Variants in EYA4 observed in about 807,000 individuals in gnomAD.
EYA4 encodes the protein protein phosphatase EYA4.
EYA4 carries 31 observed loss-of-function variants against 87.9 expected under a neutral mutation model. The ratio of observed to expected loss-of-function variants is 0.35; its 90% CI spans 0.27 to 0.48. The LOEUF is 0.48. Ranked by LOEUF, EYA4 falls within the 20% of genes least tolerant of loss-of-function variation. The pLI is 0.99. For missense variants in EYA4, 678 were observed against 761.4 expected (o/e 0.89, Z 1.29); for synonymous variants, 263 against 270.6 (o/e 0.97, Z 0.28).
chr6:133,263,163 GAC>G, intron 1 of EYA4, among the ~76,000 whole-genome samples: 1 of 152,282 alleles, frequency 6.6e-6, no homozygotes, highest in South Asian at 2.1e-4. Flanking sequence ...TGCCCATCTG[GAC>G]AGTTGATCAC....
intron 2 of EYA4, among the ~76,000 whole-genome samples, chr6:133,365,349 A>C (rs1784778861): frequency 6.6e-6 from 1 of 152,176 alleles, no homozygotes; most frequent in African/African-American, 2.4e-5. Flanking sequence ...AGTTTTAGCC[A>C]CTTCCTGCCG....
chr6:133,322,849 G>A (rs1781199156), intron 2 of EYA4, among the ~76,000 whole-genome samples: 1 of 152,140 alleles, frequency 6.6e-6, no homozygotes, highest in African/African-American at 2.4e-5. Context: ...AAAGGTTCAT[G>A]TTATGCAAAC....
intron 13 of EYA4, among the ~76,000 whole-genome samples, chr6:133,499,674 TAATTGGCTA>T (rs780524120): frequency 1.3e-5 from 2 of 152,138 alleles, no homozygotes; most frequent in Non-Finnish European, 2.9e-5. Context: ...CCCCAGCAGG[TAATTGGCTA>T]CATTACTAAG....
At chr6:133,497,865 G>A (rs1248194037) in intron 13 of EYA4, among the ~76,000 whole-genome samples, 2 of 152,162 alleles carry the variant, frequency 1.3e-5, no homozygotes, top group African/African-American at 4.8e-5. Flanking sequence ...GGGGGAAAAA[G>A]TGAAGGAACT....
At chr6:133,356,140 G>A (rs148601419) in intron 2 of EYA4, among the ~76,000 whole-genome samples, 8 of 152,150 alleles carry the variant, frequency 5.3e-5, no homozygotes, top group East Asian at 1.9e-4. Context: ...TAATCCCATC[G>A]TGATGACCCT....
intron 2 of EYA4, among the ~76,000 whole-genome samples, chr6:133,357,007 C>T (rs1010287701): frequency 3.3e-5 from 5 of 151,842 alleles, no homozygotes; most frequent in Admixed American, 3.3e-4. Context: ...CGCGGTGGCT[C>T]ACGCCTGTAA....
intron 3 of EYA4, among the ~76,000 whole-genome samples, chr6:133,417,095 A>T (rs1423934779): frequency 1.3e-5 from 2 of 152,208 alleles, no homozygotes; most frequent in African/African-American, 4.8e-5. Context: ...TTGATGTGTC[A>T]TTTGAATGTG....
At chr6:133,334,277 A>G (rs975971372) in intron 2 of EYA4, among the ~76,000 whole-genome samples, 9 of 152,264 alleles carry the variant, frequency 5.9e-5, no homozygotes, top group African/African-American at 2.2e-4. Flanking sequence ...ATGTGCCTCA[A>G]AGGCACATAG....
intron 11 of EYA4, among the ~76,000 whole-genome samples, chr6:133,469,043 A>T (rs1795099471): frequency 6.6e-6 from 1 of 152,016 alleles, no homozygotes; most frequent in African/African-American, 2.4e-5. Context: ...CTTATGACTG[A>T]TATTATTTCT....
Position 133,531,300 on chromosome 6 carries a change from A to G in EYA4, c.*2495A>G. 1.7e-6 allele frequency: 2 copies of G among 1,182,242 alleles called. No homozygotes were observed. The highest frequency in any genetic ancestry group is 1.3e-5 in the South Asian group (1 of 76,704). 73.2% of individuals were successfully genotyped at this position (1,182,242 alleles called of 1,614,324 possible). A position where few individuals can be genotyped will look rare whatever the true frequency, so the allele number is the denominator to read the frequency against. ...GTGCAGGCCCACGAGCCAGCATCAC[A>G]GCTTGGCCATGGGACGTTGAGTATG... is the stretch of plus-strand genomic sequence containing the variant. On this transcript the variant is annotated 3_prime_UTR_variant, in exon 20 of 20. Transcript: ENST00000355286.
At chr6:133,368,441 T>TC (rs1785021847) in intron 2 of EYA4, among the ~76,000 whole-genome samples, 1 of 152,192 alleles carries the variant, frequency 6.6e-6, no homozygotes, top group Admixed American at 6.5e-5. Context: ...TTTCTTGAGC[T>TC]CATAAGCATT....
In EYA4 at chr6:133,410,900, C is replaced by T. The variant is rs975719804; in HGVS notation, c.83+28459C>T. ...AGAGAGTTGAAGAAGATCAAAGTAG[C>T]AGTACTGAAGTTGGAGCTTTAGAGG... On this transcript the variant is annotated intron_variant, in intron 3 of 19. Coordinates refer to ENST00000355286, the MANE Select transcript of EYA4 (RefSeq NM_004100.5). Among the ~76,000 whole-genome samples, 12 of 152,108 alleles carry T rather than the reference C, an allele frequency of 7.9e-5. No homozygotes were observed. In the South Asian group the frequency reaches 2.5e-3, roughly 32 times the overall value.
chr6:133,271,745 A>G (rs1776708002), intron 1 of EYA4, among the ~76,000 whole-genome samples: 1 of 152,138 alleles, frequency 6.6e-6, no homozygotes, highest in Non-Finnish European at 1.5e-5. Context: ...CCCTGCCACC[A>G]TGGCCACTTT....
chr6:133,410,986 C>A (rs1789177664), intron 3 of EYA4, among the ~76,000 whole-genome samples: 2 of 150,282 alleles, frequency 1.3e-5, no homozygotes, highest in Non-Finnish European at 3.0e-5. Context: ...CTGACCCCAG[C>A]CTACCCCCAC....
chr6:133,469,278 A>C (rs1795124638), intron 11 of EYA4, among the ~76,000 whole-genome samples: 1 of 152,128 alleles, frequency 6.6e-6, no homozygotes, highest in African/African-American at 2.4e-5. Flanking sequence ...TGAAGTATTT[A>C]AAGTTAAAAG....
intron 13 of EYA4, among the ~76,000 whole-genome samples, chr6:133,491,933 C>T (rs572187002): frequency 9.6e-6 from 1 of 104,400 alleles, no homozygotes; most frequent in Admixed American, 1.4e-4. Flanking sequence ...GCCTGGGGGA[C>T]AGAGTGAAAC....
intron 2 of EYA4, among the ~76,000 whole-genome samples, chr6:133,287,627 G>C (rs930413767): frequency 2.7e-5 from 4 of 147,008 alleles, no homozygotes; most frequent in Admixed American, 1.4e-4. Context: ...ACAAAAGACA[G>C]AGATGTATAA....
intron 3 of EYA4, among the ~76,000 whole-genome samples, chr6:133,430,234 A>G (rs1012914433): frequency 1.3e-5 from 2 of 152,222 alleles, no homozygotes; most frequent in African/African-American, 4.8e-5. Flanking sequence ...CTTTTCAGAA[A>G]TATTTTAAAG....
chr6:133,405,735 AGGT>A (rs1393930469), intron 3 of EYA4, among the ~76,000 whole-genome samples: 1 of 152,114 alleles, frequency 6.6e-6, no homozygotes, highest in Non-Finnish European at 1.5e-5. Flanking sequence ...AGTATATTAG[AGGT>A]GGTAAGTGCA....
Sources: gnomAD v4.1 joint callset for allele counts (sites outside exome capture counted in the v4.1 genomes callset) on GRCh38, gnomAD v4.1.1 for gene constraint, MANE v1.5 for transcripts, NCBI Gene and HGNC (gene_info 2026-07-23, HGNC 2026-07-21) for gene names.